Variants in SENP5 observed in about 807,000 individuals in gnomAD.
SENP5 encodes SUMO specific peptidase 5.
SENP5 carries 21 observed loss-of-function variants against 74.2 expected under a neutral mutation model. The ratio of observed to expected loss-of-function variants is 0.28; its 90% CI spans 0.20 to 0.41. SENP5 has a LOEUF of 0.41. SENP5 is among the 10% of genes least tolerant of loss of function. The probability of loss-of-function intolerance (pLI) is 1.00; values close to 1 mark genes in which losing one functional copy is unlikely to be tolerated. For synonymous variants in SENP5, 311 were observed against 312.7 expected (o/e 0.99, Z 0.06); for missense variants, 717 against 889.1 (o/e 0.81, Z 2.46).
chr3:196,889,895 G>A (rs566905154), intron 2 of SENP5, among the ~76,000 whole-genome samples: 33 of 152,324 alleles, frequency 2.2e-4, no homozygotes, highest in Admixed American at 3.3e-4. Flanking sequence ...CCCATGGTAA[G>A]GACTGAGTAG....
intron 1 of SENP5, among the ~76,000 whole-genome samples, chr3:196,883,965 T>A (rs570913148): frequency 6.6e-6 from 1 of 152,326 alleles, no homozygotes; most frequent in South Asian, 2.1e-4. Context: ...GTGCTGGGAT[T>A]ACAGGCATGG....
rs777129693 is a variant in SENP5 at position 196,886,454 on chromosome 3, G to A, written c.1273G>A (p.Val425Ile). 1.1e-5 allele frequency: 18 copies of A among 1,610,332 alleles called. No homozygotes were observed. The highest frequency in any genetic ancestry group is 3.3e-5 in the South Asian group (3 of 90,440). ...TGGAGCAGATACATCTGTGAGTAGC[G>A]TAGATGGGCCTGTGTCCCAAAAGGC... ...VSGADTSVSS[V>I]DGPVSQKAVQ... The change falls in exon 2 of 10, where the codon GTA (valine) becomes ATA (isoleucine). Residue 425 changes from valine (V) to isoleucine (I), a missense_variant. Coordinates refer to ENST00000323460, the MANE Select transcript of SENP5 (RefSeq NM_152699.5).
rs1376074654 is a variant in SENP5, at chr3:196,903,524, C to T, written c.1807-9C>T. ...TAATCTGGTTGCTTGTGTTTGTTGT[C>T]TGTTCTAGGTTCACTTCTTCAACAG... On this transcript the variant is annotated splice_polypyrimidine_tract_variant and intron_variant, in intron 5 of 9. Transcript: ENST00000323460. 1.3e-6 allele frequency: 2 copies of T among 1,584,040 alleles called. No homozygotes were observed. Among genetic ancestry groups the T allele is most frequent in the Non-Finnish European group, 8.6e-7 (1 of 1,165,250 alleles).
intron 6 of SENP5, among the ~76,000 whole-genome samples, chr3:196,917,048 C>T (rs963553189): frequency 1.3e-5 from 2 of 151,886 alleles, no homozygotes; most frequent in South Asian, 4.1e-4. Flanking sequence ...GCACAAGAAT[C>T]GCTTGAACCT....
At position 196,914,586 on chromosome 3, in the gene SENP5, A is replaced by AAAAAAAAAAATATATAT; in HGVS notation, c.1885-8827_1885-8826insAAAAAAAAATATATATA. ...CTTTAAAAAAAAAAAAAAAAAAAAA[A>AAAAAAAAAAATATATAT]ATATATATATATATATATATATATA... is the stretch of plus-strand genomic sequence containing the variant. On this transcript the variant is annotated intron_variant, in intron 6 of 9. Coordinates refer to ENST00000323460, the MANE Select transcript of SENP5 (RefSeq NM_152699.5). The AAAAAAAAAAATATATAT allele has an allele frequency of 1.7e-3, 58 of 33,482 alleles. 1 individual carries two copies. Among genetic ancestry groups the AAAAAAAAAAATATATAT allele is most frequent in the African/African-American group, 3.0e-3 (17 of 5,592 alleles). The allele number at this position is 33,482 out of a possible 1,614,324, so 2.1% of individuals were successfully genotyped here.
At chr3:196,891,658 A>G (rs1449562008) in intron 2 of SENP5, among the ~76,000 whole-genome samples, 1 of 152,194 alleles carries the variant, frequency 6.6e-6, no homozygotes, top group Non-Finnish European at 1.5e-5. Flanking sequence ...AATTATCTGC[A>G]TGTGGTGGTG....
chr3:196,906,361 A>C (rs1714904284), intron 6 of SENP5, among the ~76,000 whole-genome samples: 1 of 152,164 alleles, frequency 6.6e-6, no homozygotes, highest in Admixed American at 6.5e-5. Context: ...AGGTAAGTAA[A>C]ACAATATTAG....
intron 1 of SENP5, among the ~76,000 whole-genome samples, chr3:196,872,817 A>G (rs993536174): frequency 5.3e-5 from 8 of 152,158 alleles, no homozygotes; most frequent in Non-Finnish European, 1.5e-5. Context: ...GATATAGAAT[A>G]TTTCTGTCAT....
chr3:196,890,206 C>T (rs1378184685), intron 2 of SENP5, among the ~76,000 whole-genome samples: 1 of 152,140 alleles, frequency 6.6e-6, no homozygotes, highest in Non-Finnish European at 1.5e-5. Context: ...CTGAGAAAAG[C>T]CAACACAATG....
intron 1 of SENP5, among the ~76,000 whole-genome samples, chr3:196,875,100 T>G (rs1417023025): frequency 6.6e-6 from 1 of 152,208 alleles, no homozygotes. Flanking sequence ...AAATTGAACA[T>G]GTGAAAGACT....
chr3:196,898,439 A>C (rs1056324120), intron 2 of SENP5, among the ~76,000 whole-genome samples: 3 of 151,618 alleles, frequency 2.0e-5, no homozygotes, highest in African/African-American at 7.3e-5. Flanking sequence ...TTAAAAAAAA[A>C]AAATTAAAAA....
At chr3:196,927,171 C>G (rs761775362) in intron 7 of SENP5, among the ~76,000 whole-genome samples, 1 of 152,114 alleles carries the variant, frequency 6.6e-6, no homozygotes, top group African/African-American at 2.4e-5. Context: ...CTGCAGCCCT[C>G]AAAAATAAGG....
In SENP5 at chr3:196,885,420, C is replaced by G. The variant is rs749116189; in HGVS notation, c.239C>G (p.Thr80Ser). Residue 80 changes from threonine to serine, a missense_variant, in exon 2 of 10, where the codon ACC becomes AGC. Coordinates refer to ENST00000323460, the MANE Select transcript of SENP5 (RefSeq NM_152699.5). ...WIKDEPLCAK[T>S]KFNVATQNVS... ...AAGGATGAACCCCTTTGTGCTAAGA[C>G]CAAGTTCAATGTGGCTACTCAAAAT... 1.2e-6 allele frequency: 2 copies of G among 1,614,020 alleles called. No homozygotes were observed. Among genetic ancestry groups the G allele is most frequent in the Non-Finnish European group, 1.7e-6 (2 of 1,180,032 alleles).
chr3:196,929,630 C>T lies in SENP5; in HGVS notation c.2107-3C>T. 6 of 1,585,358 alleles carry T rather than the reference C, an allele frequency of 3.8e-6. 1 individual carries two copies. Among genetic ancestry groups the T allele is most frequent in the Middle Eastern group, 3.3e-4 (2 of 6,006 alleles). ...TTAATGACTATTTTGTTTTTCCCTT[C>T]AGTGTATTCCACAACAGAAAAACGA... On this transcript the variant is annotated splice_polypyrimidine_tract_variant and splice_region_variant and intron_variant, in intron 8 of 9. Transcript: ENST00000323460.
Position 196,885,764 on chromosome 3 carries a change from T to TC in SENP5, c.583_584insC (p.Phe195SerfsTer26). On this transcript the variant is annotated frameshift_variant, in exon 2 of 10. Transcript: ENST00000323460. LOFTEE classifies it high-confidence loss of function. ...CTTGAACAACCATAAGAGAAAGGGC[T>TC]TTTGTTACGGCTGCTGCCAAGGGCC... 1.9e-6 allele frequency: 3 copies of TC among 1,614,242 alleles called. 1 individual carries two copies. The South Asian group carries it at 3.3e-5, about 18-fold the overall frequency.
intron 2 of SENP5, among the ~76,000 whole-genome samples, chr3:196,895,190 CT>C (rs35820067): frequency 0.35 from 43,359 of 122,906 alleles, 6,478 homozygotes; most frequent in Non-Finnish European, 0.45. Flanking sequence ...CTTTTAACTT[CT>C]TTTTTTTTTT....
chr3:196,928,518 G>A (rs112653655), intron 8 of SENP5, among the ~76,000 whole-genome samples: 9 of 152,250 alleles, frequency 5.9e-5, no homozygotes, highest in African/African-American at 1.4e-4. Flanking sequence ...GATAAGCATC[G>A]TCTTTATTTT....
At position 196,874,679 on chromosome 3, in the gene SENP5, A is replaced by C. The variant is rs142243324; in HGVS notation, c.-32+6606A>C. 3.8e-3 allele frequency among the ~76,000 whole-genome samples: 573 copies of C among 152,280 alleles called. 6 individuals are homozygous for C. Among genetic ancestry groups the C allele is most frequent in the African/African-American group, 0.013 (560 of 41,560 alleles). On this transcript the variant is annotated intron_variant, in intron 1 of 9. Transcript: ENST00000323460. Reference sequence around the variant, plus strand: ...GTGGATCACCTGAGGTCAGAGGTCGAGACCAGCCTGACCAACATGGAGAAA... The same window carrying C: ...GTGGATCACCTGAGGTCAGAGGTCGCGACCAGCCTGACCAACATGGAGAAA...
At position 196,923,455 on chromosome 3, in the gene SENP5, C is replaced by T. The variant is rs778824029; in HGVS notation, c.1926C>T (p.His642=). The change falls in exon 7 of 10, where the codon CAC becomes CAT. Residue 642 remains histidine (H), a synonymous_variant. Transcript: ENST00000323460. ...AGAGTCTTCTGTTGATTCCTATTCACCTGGAAGTCCACTGGTCTCTCATTA... is the reference window on the plus strand; with the variant it reads ...AGAGTCTTCTGTTGATTCCTATTCATCTGGAAGTCCACTGGTCTCTCATTA... The part of the protein sequence containing the change: ...FKKSLLLIPI[H]LEVHWSLITV... The T allele has an allele frequency of 1.2e-6, 2 of 1,612,496 alleles. No homozygotes were observed. The highest frequency in any genetic ancestry group is 2.2e-5 in the East Asian group (1 of 44,822).
Sources: allele counts gnomAD v4.1 joint callset (sites outside exome capture counted in the v4.1 genomes callset), GRCh38; gene constraint gnomAD v4.1.1; transcripts MANE v1.5; gene names NCBI Gene and HGNC (gene_info 2026-07-23, HGNC 2026-07-21).